Variants in STK38L observed in about 807,000 individuals in gnomAD.
STK38L encodes the protein serine/threonine-protein kinase 38-like.
In STK38L, 28 loss-of-function variants were observed where a neutral mutation model predicts 59.7. The observed-to-expected ratio is 0.47, with a 90% CI of 0.35 to 0.64. The LOEUF (loss-of-function observed/expected upper bound fraction) is 0.64, where lower values mean the gene tolerates loss of function less well. Ranked by LOEUF, STK38L falls within the 30% of genes least tolerant of loss-of-function variation. The pLI is 0.01. For synonymous variants in STK38L, 162 were observed against 176.8 expected (o/e 0.92, Z 0.66); for missense variants, 314 against 555.8 (o/e 0.56, Z 4.37).
chr12:27,266,111 G>A (rs1177232930), intron 1 of STK38L, among the ~76,000 whole-genome samples: 3 of 152,162 alleles, frequency 2.0e-5, no homozygotes, highest in Non-Finnish European at 4.4e-5. Flanking sequence ...AGACACAAAG[G>A]CATTGTGTCA....
At chr12:27,266,914 C>T (rs1354088173) in intron 1 of STK38L, among the ~76,000 whole-genome samples, 20 of 152,154 alleles carry the variant, frequency 1.3e-4, no homozygotes, top group Non-Finnish European at 1.0e-4. Context: ...ATTTTTCAAA[C>T]GTATTTGACT....
intron 1 of STK38L, among the ~76,000 whole-genome samples, chr12:27,267,941 T>C (rs1943333489): frequency 6.6e-6 from 1 of 152,254 alleles, no homozygotes; most frequent in Non-Finnish European, 1.5e-5. Context: ...GTTTTTCTTA[T>C]ATAGGAATTC....
Position 27,324,992 on chromosome 12 carries a change from G to C in STK38L, c.*2537G>C, listed in dbSNP as rs1471101911. 1.3e-5 allele frequency: 2 copies of C among 151,822 alleles called. No individual in the cohort carries two copies. Among genetic ancestry groups the C allele is most frequent in the Non-Finnish European group, 2.9e-5 (2 of 67,856 alleles). The allele number at this position is 151,822 out of a possible 1,614,324, so 9.4% of individuals were successfully genotyped here. ...GTTTTATTATAAACCGTGTGTTTTT[G>C]GTTTTTCTAAGTATATAGAAAGCTT... is the stretch of plus-strand genomic sequence containing the variant. On this transcript the variant is annotated 3_prime_UTR_variant, in exon 14 of 14. Transcript: ENST00000389032.
intron 1 of STK38L, among the ~76,000 whole-genome samples, chr12:27,268,830 A>G (rs1017448426): frequency 9.2e-5 from 14 of 152,222 alleles, no homozygotes; most frequent in Admixed American, 3.3e-4. Context: ...GTGAGATGGT[A>G]TCTCATTGTG....
At chr12:27,247,907 C>T (rs1439524909) in intron 1 of STK38L, among the ~76,000 whole-genome samples, 1 of 151,090 alleles carries the variant, frequency 6.6e-6, no homozygotes, top group East Asian at 2.0e-4. Context: ...CTCTGCCTCT[C>T]AGGCTCAAGC....
chr12:27,318,109 GGATACCACT>G, intron 11 of STK38L, 90 bp downstream of exon 11: 2 of 1,469,472 alleles, frequency 1.4e-6, no homozygotes, highest in Non-Finnish European at 1.9e-6. Flanking sequence ...GGGGAAGAGG[GGATACCACT>G]GATGTATACA....
intron 1 of STK38L, among the ~76,000 whole-genome samples, chr12:27,296,572 A>G (rs1318345922): frequency 6.6e-6 from 1 of 152,204 alleles, no homozygotes; most frequent in Non-Finnish European, 1.5e-5. Flanking sequence ...TTCTTTACTT[A>G]AAGCAAGATG....
chr12:27,320,853 C>T (rs569451310), intron 12 of STK38L, among the ~76,000 whole-genome samples: 29 of 149,556 alleles, frequency 1.9e-4, no homozygotes, highest in South Asian at 4.2e-4. Context: ...GTGATCTCGG[C>T]TCACTGCAAG....
chr12:27,258,733 G>C (rs1165881513), intron 1 of STK38L, among the ~76,000 whole-genome samples: 1 of 151,984 alleles, frequency 6.6e-6, no homozygotes, highest in East Asian at 1.9e-4. Flanking sequence ...AATTTTATTT[G>C]TTACAGTTAA....
chr12:27,275,556 C>T (rs1213480898), intron 1 of STK38L, among the ~76,000 whole-genome samples: 1 of 151,728 alleles, frequency 6.6e-6, no homozygotes, highest in African/African-American at 2.4e-5. Flanking sequence ...CCAGGCTGGC[C>T]CTGAACCCCT....
intron 1 of STK38L, among the ~76,000 whole-genome samples, chr12:27,258,669 A>G (rs903247381): frequency 5.9e-5 from 9 of 152,178 alleles, no homozygotes; most frequent in African/African-American, 2.2e-4. Context: ...CACAATTTGT[A>G]TTTAGCATTT....
chr12:27,287,533 C>G (rs1943800757), intron 1 of STK38L, among the ~76,000 whole-genome samples: 1 of 152,142 alleles, frequency 6.6e-6, no homozygotes, highest in South Asian at 2.1e-4. Flanking sequence ...AAATGTAGCA[C>G]AAGTTTTCAT....
rs1238810422 is a variant in STK38L at position 27,322,659 on chromosome 12, AT to A, written c.*206del. ...AGCTGGCTCTTTTTTTTAATATTTT[AT>A]TATTTTTGTTAACTTTATTATATGA... is the stretch of plus-strand genomic sequence containing the variant. On this transcript the variant is annotated 3_prime_UTR_variant, in exon 14 of 14. Transcript: ENST00000389032. The A allele has an allele frequency of 2.2e-5, 11 of 503,422 alleles. No homozygotes were observed. Among genetic ancestry groups the A allele is most frequent in the Non-Finnish European group, 3.5e-5 (11 of 312,366 alleles). The allele number at this position is 503,422 out of a possible 1,614,324, so 31.2% of individuals were successfully genotyped here. A position where few individuals can be genotyped will look rare whatever the true frequency, so the allele number is the denominator to read the frequency against.
At chr12:27,266,472 G>A (rs190324923) in intron 1 of STK38L, among the ~76,000 whole-genome samples, 3 of 152,202 alleles carry the variant, frequency 2.0e-5, no homozygotes, top group East Asian at 3.9e-4. Flanking sequence ...CTGTCAGTCC[G>A]CCATTACCCT....
rs1169272979 is a variant in STK38L, at chr12:27,309,602, ACT to A, written c.393+410_393+411del. ...TGCGGGGACACACACTCCTGTGAGA[ACT>A]CTCTGGTGTCTCTTCTTATAAGGAC... On this transcript the variant is annotated intron_variant, in intron 5 of 13. Transcript: ENST00000389032. Among the ~76,000 whole-genome samples, 6 of 151,066 alleles carry A rather than the reference ACT, an allele frequency of 4.0e-5. 1 individual carries two copies. The East Asian group carries it at 9.7e-4, about 24-fold the overall frequency.
chr12:27,277,708 A>C (rs1347624450), intron 1 of STK38L, among the ~76,000 whole-genome samples: 1 of 152,162 alleles, frequency 6.6e-6, no homozygotes, highest in Non-Finnish European at 1.5e-5. Flanking sequence ...GTTCCTCCTG[A>C]CCAATTTTTC....
At chr12:27,259,538 C>A (rs998670657) in intron 1 of STK38L, among the ~76,000 whole-genome samples, 1 of 152,162 alleles carries the variant, frequency 6.6e-6, no homozygotes. Context: ...GGCGTCATAC[C>A]TACCTCTCCA....
chr12:27,254,001 C>T (rs893789859), intron 1 of STK38L, among the ~76,000 whole-genome samples: 1 of 152,202 alleles, frequency 6.6e-6, no homozygotes, highest in African/African-American at 2.4e-5. Context: ...TAAATTGTCT[C>T]TTGCTTCCAT....
At position 27,308,556 on chromosome 12, in the gene STK38L, G is replaced by A. The variant is rs1356169130; in HGVS notation, c.309+95G>A. ...AATATAATTCCTGGCTGGGTGCGGT[G>A]GCTCACGCCTGTAATCCCAATACTT... On this transcript the variant is annotated intron_variant, in intron 4 of 13. Transcript: ENST00000389032. The surrounding 1 kb of genome is among the most constrained non-coding windows in gnomAD (Gnocchi z 4.5). 28 of 1,258,142 alleles carry A rather than the reference G, an allele frequency of 2.2e-5. No homozygotes were observed. The highest frequency in any genetic ancestry group is 2.8e-5 in the Non-Finnish European group (27 of 976,122). 77.9% of individuals were successfully genotyped at this position (1,258,142 alleles called of 1,614,324 possible). A position where few individuals can be genotyped will look rare whatever the true frequency, so the allele number is the denominator to read the frequency against.
Sources: gnomAD v4.1 joint callset for allele counts (sites outside exome capture counted in the v4.1 genomes callset) on GRCh38, gnomAD v4.1.1 for gene constraint, Gnocchi (gnomAD v3.1) non-coding constraint, MANE v1.5 for transcripts, NCBI Gene and HGNC (gene_info 2026-07-23, HGNC 2026-07-21) for gene names.